PHYHIP: variants seen among roughly 807,000 people sequenced by gnomAD.
PHYHIP encodes the protein phytanoyl-CoA 2-hydroxylase interacting protein.
A neutral mutation model predicts 26.1 loss-of-function variants in PHYHIP; 7 were observed. That is an observed-to-expected ratio of 0.27 (90% CI 0.15 to 0.50). The LOEUF (loss-of-function observed/expected upper bound fraction) is 0.50. Among genes scored for constraint, PHYHIP ranks in the 20% least tolerant of loss-of-function variants. PHYHIP has a pLI of 0.98. For synonymous variants in PHYHIP, 206 were observed against 183.4 expected (o/e 1.12, Z -1.00); for missense variants, 232 against 454.7 (o/e 0.51, Z 4.45).
intron 4 of PHYHIP, chr8:22,223,693 C>T (rs559135975): frequency 6.5e-6 from 1 of 152,700 alleles, no homozygotes; most frequent in East Asian, 1.9e-4. Context: ...ATTGAGGCTA[C>T]TCTGACTGGA....
intron 3 of PHYHIP, 100 bp from the exon 4 acceptor site, chr8:22,224,443 T>C: frequency 1.4e-6 from 1 of 718,790 alleles, no homozygotes; most frequent in Admixed American, 1.9e-5. Context: ...CCGGCCAACC[T>C]CTGTCCGCCA....
chr8:22,222,313 C>T (rs938861870), intron 4 of PHYHIP, among the ~76,000 whole-genome samples: 1 of 152,172 alleles, frequency 6.6e-6, no homozygotes, highest in African/African-American at 2.4e-5. Flanking sequence ...CTGCCCTCTC[C>T]ACCTTCCTCC....
rs1829608257 is a variant in PHYHIP at position 22,220,963 on chromosome 8, G to C, written c.*390C>G. On this transcript the variant is annotated 3_prime_UTR_variant, in exon 5 of 5. Coordinates refer to ENST00000454243, the MANE Select transcript of PHYHIP (RefSeq NM_014759.5). ...CACAGCTCTCTGCATCTCTTCTGGA[G>C]GCAGCCAAGCTACCCATGGGCTTTG... is the stretch of plus-strand genomic sequence containing the variant. 1 of 198,582 alleles carries C rather than the reference G, an allele frequency of 5.0e-6. No homozygotes were observed. The highest frequency in any genetic ancestry group is 1.2e-4 in the East Asian group (1 of 8,434). 12.3% of individuals were successfully genotyped at this position (198,582 alleles called of 1,614,324 possible).
At chr8:22,222,111 T>C (rs1446218399) in intron 4 of PHYHIP, among the ~76,000 whole-genome samples, 2 of 151,998 alleles carry the variant, frequency 1.3e-5, no homozygotes, top group Non-Finnish European at 2.9e-5. Context: ...AGAAGAGATA[T>C]GAAGCTGTCA....
intron 1 of PHYHIP, among the ~76,000 whole-genome samples, chr8:22,229,142 AGGCACACACTATCATTATC>A (rs1017457994): frequency 6.6e-6 from 1 of 152,176 alleles, no homozygotes; most frequent in African/African-American, 2.4e-5. Flanking sequence ...CCTTGGAAGT[AGGCACACACTATCATTATC>A]TCCATTTTAC....
At chr8:22,230,443 A>C (rs1156427924) in intron 1 of PHYHIP, among the ~76,000 whole-genome samples, 1 of 151,946 alleles carries the variant, frequency 6.6e-6, no homozygotes, top group Non-Finnish European at 1.5e-5. Flanking sequence ...CTGAGATGAC[A>C]TCCCCCCGCT....
intron 3 of PHYHIP, among the ~76,000 whole-genome samples, chr8:22,225,385 T>C (rs1829721653): frequency 6.6e-6 from 1 of 151,384 alleles, no homozygotes; most frequent in African/African-American, 2.4e-5. Context: ...GCCAGGAAGC[T>C]GAGGAGGGAG....
chr8:22,228,387 C>G lies in PHYHIP; in HGVS notation c.-29-1G>C. 1.9e-6 allele frequency: 3 copies of G among 1,553,758 alleles called. No homozygotes were observed. Among genetic ancestry groups the G allele is most frequent in the Non-Finnish European group, 2.6e-6 (3 of 1,145,240 alleles). On this transcript the variant is annotated splice_acceptor_variant, in intron 1 of 4. Transcript: ENST00000454243. LOFTEE classifies it low-confidence loss of function (5UTR_SPLICE). The stretch of plus-strand genomic sequence containing the variant: ...CCGTCAGGGTTGTCTCCTGTGGGGA[C>G]TGAGGAGGAGGGAAAGGGTCAGTAC...
intron 4 of PHYHIP, among the ~76,000 whole-genome samples, chr8:22,222,827 C>T (rs1829658158): frequency 6.6e-6 from 1 of 152,206 alleles, no homozygotes; most frequent in Non-Finnish European, 1.5e-5. Flanking sequence ...CAAGCTCGAA[C>T]TCCTGGGCTC....
intron 1 of PHYHIP, among the ~76,000 whole-genome samples, chr8:22,229,262 C>T (rs1172541004): frequency 6.6e-6 from 1 of 152,200 alleles, no homozygotes. Context: ...AGCTCTTGAT[C>T]ACTAAGCTAA....
chr8:22,222,000 G>C lies in PHYHIP; in HGVS notation c.459-113C>G. 1 of 879,786 alleles carries C rather than the reference G, an allele frequency of 1.1e-6. No individual in the cohort carries two copies. Among genetic ancestry groups the C allele is most frequent in the Non-Finnish European group, 1.7e-6 (1 of 593,180 alleles). The allele number at this position is 879,786 out of a possible 1,614,324, so 54.5% of individuals were successfully genotyped here. On this transcript the variant is annotated intron_variant, in intron 4 of 4. Coordinates refer to ENST00000454243, the MANE Select transcript of PHYHIP (RefSeq NM_014759.5). This position sits in a 1 kb window ranked among gnomAD's most constrained non-coding sequence, Gnocchi z 7.9. ...AGGGAGGAAGCCAGCCCAGCTCCCA[G>C]CCCTCCCCCAGCCGCCTCCACTAGT...
rs1403819709 is a variant in PHYHIP, at chr8:22,221,303, C to A, written c.*50G>T. On this transcript the variant is annotated 3_prime_UTR_variant, in exon 5 of 5. Transcript: ENST00000454243. This position sits in a 1 kb window ranked among gnomAD's most constrained non-coding sequence, Gnocchi z 7.9. Reference sequence around the variant, plus strand: ...CAGCTCCCTGAACCTGGGCTACCCACCTCCACCTTCCGCTCATCTCTCCCT... The same window carrying A: ...CAGCTCCCTGAACCTGGGCTACCCAACTCCACCTTCCGCTCATCTCTCCCT... 1.3e-6 allele frequency: 2 copies of A among 1,504,270 alleles called. No individual in the cohort carries two copies. Among genetic ancestry groups the A allele is most frequent in the African/African-American group, 2.8e-5 (2 of 71,754 alleles). 93.2% of individuals were successfully genotyped at this position (1,504,270 alleles called of 1,614,324 possible).
chr8:22,228,210 T>C lies in PHYHIP; in HGVS notation c.148A>G (p.Asn50Asp). ...CTACTCACCCGGTGCTTGAACTTGTTGGAATTCTTATTCTCCTTCTTGTTA... is the reference window on the plus strand; with the variant it reads ...CTACTCACCCGGTGCTTGAACTTGTCGGAATTCTTATTCTCCTTCTTGTTA... ...DLNKKENKNS[N>D]KFKHRDVPTK... Residue 50 changes from asparagine to aspartate, a missense_variant, in exon 2 of 5, where the codon AAC becomes GAC. Transcript: ENST00000454243. 6.2e-7 allele frequency: 1 copy of C among 1,614,148 alleles called. No homozygotes were observed. The highest frequency in any genetic ancestry group is 1.1e-5 in the South Asian group (1 of 91,078).
Position 22,229,094 on chromosome 8 carries a change from C to T in PHYHIP, c.-29-708G>A, listed in dbSNP as rs139877076. Among the ~76,000 whole-genome samples, 33 of 152,252 alleles carry T rather than the reference C, an allele frequency of 2.2e-4. No individual in the cohort carries two copies. In the East Asian group the frequency reaches 4.8e-3, roughly 22 times the overall value. On this transcript the variant is annotated intron_variant, in intron 1 of 4. Coordinates refer to ENST00000454243, the MANE Select transcript of PHYHIP (RefSeq NM_014759.5). The stretch of plus-strand genomic sequence containing the variant: ...TTTAACATTAACATCTATTAGGGGC[C>T]GGCCATGTGCTCATAATTTCACAGA...
At chr8:22,231,092 T>C (rs1829857489) in intron 1 of PHYHIP, among the ~76,000 whole-genome samples, 1 of 152,216 alleles carries the variant, frequency 6.6e-6, no homozygotes, top group Non-Finnish European at 1.5e-5. Context: ...CTGCCAGCCC[T>C]GAGCCTTCAT....
intron 3 of PHYHIP, 28 bp from the exon 4 acceptor site, chr8:22,224,371 G>T (rs2131923927): frequency 2.2e-6 from 3 of 1,349,440 alleles, no homozygotes; most frequent in East Asian, 2.3e-5. Context: ...CGGTAGGTGA[G>T]CCGAGGGCCA....
chr8:22,227,074 T>A, intron 2 of PHYHIP, 49 bp from the exon 3 acceptor site: 1 of 1,524,096 alleles, frequency 6.6e-7, no homozygotes, highest in Non-Finnish European at 8.9e-7. Flanking sequence ...CAGGGGTTCA[T>A]GCCCAATCTG....
chr8:22,224,377 G>GTAGGTGA, intron 3 of PHYHIP, 34 bp from the exon 4 acceptor site: 1 of 1,260,410 alleles, frequency 7.9e-7, no homozygotes, highest in South Asian at 1.2e-5. Flanking sequence ...GTGAGCCGAG[G>GTAGGTGA]GCCAGCTGAG....
rs183097277 is a variant in PHYHIP at position 22,227,139 on chromosome 8, C to G, written c.166-114G>C. On this transcript the variant is annotated intron_variant, in intron 2 of 4. Coordinates refer to ENST00000454243, the MANE Select transcript of PHYHIP (RefSeq NM_014759.5). ...ATGGCCCTGTTTCTCCTGAGCAGGA[C>G]CAATCTTGAGGATCCAATGGCTCCA... 7,683 of 975,604 alleles carry G rather than the reference C, an allele frequency of 7.9e-3. 40 individuals are homozygous for G. Among genetic ancestry groups the G allele is most frequent in the Non-Finnish European group, 9.9e-3 (6,689 of 675,948 alleles). 60.4% of individuals were successfully genotyped at this position (975,604 alleles called of 1,614,324 possible). A position where few individuals can be genotyped will look rare whatever the true frequency, so the allele number is the denominator to read the frequency against.
Sources: gnomAD v4.1 joint callset for allele counts (sites outside exome capture counted in the v4.1 genomes callset) on GRCh38, gnomAD v4.1.1 for gene constraint, Gnocchi (gnomAD v3.1) non-coding constraint, MANE v1.5 for transcripts, NCBI Gene and HGNC (gene_info 2026-07-23, HGNC 2026-07-21) for gene names.